FAM13A: variants seen among roughly 807,000 people sequenced by gnomAD.
FAM13A encodes the protein family with sequence similarity 13 member A.
In FAM13A, 76 loss-of-function variants were observed where a neutral mutation model predicts 129.6. The observed-to-expected ratio is 0.59, with a 90% confidence interval of 0.49 to 0.71. The LOEUF is 0.71. Ranked by LOEUF, FAM13A falls within the 30% of genes least tolerant of loss-of-function variation. FAM13A has a pLI of 0.00. For missense variants in FAM13A, 1,108 were observed against 1,249.3 expected (o/e 0.89, Z 1.70); for synonymous variants, 443 against 449.9 (o/e 0.98, Z 0.20).
intron 8 of FAM13A, among the ~76,000 whole-genome samples, chr4:88,791,043 G>T (rs1290339550): frequency 1.3e-5 from 2 of 152,000 alleles, no homozygotes; most frequent in South Asian, 2.1e-4. Context: ...TCTCCTCTTA[G>T]GCCAGGAAAC....
chr4:88,895,254 G>C (rs777296899), intron 6 of FAM13A, among the ~76,000 whole-genome samples: 2 of 151,952 alleles, frequency 1.3e-5, no homozygotes, highest in Non-Finnish European at 2.9e-5. Flanking sequence ...CATAAATAAT[G>C]TTAACTGGAA....
intron 7 of FAM13A, among the ~76,000 whole-genome samples, chr4:88,827,582 C>T (rs1263422184): frequency 6.6e-6 from 1 of 152,172 alleles, no homozygotes; most frequent in Admixed American, 6.5e-5. Flanking sequence ...ATTTCTCTTC[C>T]TCCTGGCCCT....
intron 5 of FAM13A, chr4:88,936,841 T>C (rs1233666567): frequency 6.6e-6 from 1 of 152,162 alleles, no homozygotes; most frequent in African/African-American, 2.4e-5. Flanking sequence ...TTAATAGTTG[T>C]ACATATTTAT....
intron 7 of FAM13A, chr4:88,823,464 T>C: frequency 3.2e-6 from 1 of 314,354 alleles, no homozygotes; most frequent in Non-Finnish European, 4.7e-6. Flanking sequence ...TCTGAGCAGT[T>C]CCACAGACAA....
intron 3 of FAM13A, among the ~76,000 whole-genome samples, chr4:89,009,261 G>A (rs140187914): frequency 1.1e-3 from 163 of 152,258 alleles, no homozygotes; most frequent in African/African-American, 3.7e-3. Context: ...GCATGCAGTT[G>A]CAACTTCTGC....
intron 4 of FAM13A, among the ~76,000 whole-genome samples, chr4:88,952,153 G>A (rs1757049159): frequency 6.6e-6 from 1 of 151,812 alleles, no homozygotes. Context: ...CCCAAATCAG[G>A]AAGTTATAGG....
intron 6 of FAM13A, among the ~76,000 whole-genome samples, chr4:88,897,810 G>A (rs1746603594): frequency 6.6e-6 from 1 of 152,126 alleles, no homozygotes; most frequent in Non-Finnish European, 1.5e-5. Context: ...TAAAATCTTG[G>A]TGACAGAGTT....
intron 5 of FAM13A, among the ~76,000 whole-genome samples, chr4:88,932,680 T>C (rs991650488): frequency 1.3e-5 from 2 of 152,208 alleles, no homozygotes; most frequent in African/African-American, 4.8e-5. Context: ...TCAGTTTATA[T>C]GGTAAGTGAC....
At chr4:88,894,168 C>T (rs1745883083) in intron 6 of FAM13A, among the ~76,000 whole-genome samples, 1 of 152,154 alleles carries the variant, frequency 6.6e-6, no homozygotes, top group Non-Finnish European at 1.5e-5. Flanking sequence ...TTGAAATGTC[C>T]TGACAAGTTA....
chr4:89,004,215 T>C (rs1367422296), intron 3 of FAM13A, among the ~76,000 whole-genome samples: 2 of 152,222 alleles, frequency 1.3e-5, no homozygotes, highest in Admixed American at 1.3e-4. Flanking sequence ...CTCAGCTCAT[T>C]GCAATCTCCA....
rs1354939183 is a variant in FAM13A at position 89,056,922 on chromosome 4, G to C, written c.27+16C>G. On this transcript the variant is annotated intron_variant, in intron 1 of 23. Transcript: ENST00000264344. ...CTGGCAGTAAACACAGAAGACAGAAGAAGGCCTATACTTACACAGATGGCT... is the reference window on the plus strand; with the variant it reads ...CTGGCAGTAAACACAGAAGACAGAACAAGGCCTATACTTACACAGATGGCT... 1 of 1,611,108 alleles carries C rather than the reference G, an allele frequency of 6.2e-7. No homozygotes were observed. Among genetic ancestry groups the C allele is most frequent in the Non-Finnish European group, 8.5e-7 (1 of 1,178,812 alleles).
intron 11 of FAM13A, among the ~76,000 whole-genome samples, chr4:88,780,680 G>A (rs1485426471): frequency 6.6e-6 from 1 of 151,980 alleles, no homozygotes; most frequent in Non-Finnish European, 1.5e-5. Context: ...TGATTAACTT[G>A]GAAGAAAATA....
intron 11 of FAM13A, among the ~76,000 whole-genome samples, chr4:88,773,852 A>C (rs963993944): frequency 1.3e-5 from 2 of 152,266 alleles, no homozygotes; most frequent in Admixed American, 6.5e-5. Context: ...CCCATGCACT[A>C]TACTTAACAC....
chr4:88,983,307 G>A (rs1387523423), intron 4 of FAM13A, among the ~76,000 whole-genome samples: 1 of 152,016 alleles, frequency 6.6e-6, no homozygotes, highest in East Asian at 1.9e-4. Flanking sequence ...GTGTGATTAT[G>A]ATGGATAAAA....
intron 3 of FAM13A, 104 bp downstream of exon 3, chr4:89,020,356 A>G (rs2149108104): frequency 2.7e-6 from 2 of 749,882 alleles, no homozygotes; most frequent in Non-Finnish European, 4.2e-6. Context: ...GCTTCAAGCA[A>G]TCTTTCTACC....
chr4:88,952,887 G>A (rs543779062), intron 4 of FAM13A, among the ~76,000 whole-genome samples: 1 of 152,302 alleles, frequency 6.6e-6, no homozygotes, highest in Middle Eastern at 3.4e-3. Context: ...GGCAGAGGTT[G>A]CAGTGAGTCG....
intron 5 of FAM13A, among the ~76,000 whole-genome samples, chr4:88,930,850 T>C (rs1752920039): frequency 6.6e-6 from 1 of 152,170 alleles, no homozygotes; most frequent in Non-Finnish European, 1.5e-5. Context: ...GGGCAGCCTA[T>C]TCTGCAGTCC....
chr4:88,980,613 GA>G (rs1449392047), intron 4 of FAM13A, among the ~76,000 whole-genome samples: 5 of 151,958 alleles, frequency 3.3e-5, no homozygotes, highest in African/African-American at 1.2e-4. Context: ...AAAATTAAGG[GA>G]AAAATTTGCA....
At chr4:88,922,763 C>G (rs573814748) in intron 5 of FAM13A, among the ~76,000 whole-genome samples, 1 of 152,136 alleles carries the variant, frequency 6.6e-6, no homozygotes, top group African/African-American at 2.4e-5. Flanking sequence ...AATCCAGGAG[C>G]TGGTTTTTTG....
Sources: allele counts gnomAD v4.1 joint callset (sites outside exome capture counted in the v4.1 genomes callset), GRCh38; gene constraint gnomAD v4.1.1; transcripts MANE v1.5; gene names NCBI Gene and HGNC (gene_info 2026-07-23, HGNC 2026-07-21).